Variants in RPGRIP1L observed in about 807,000 individuals in gnomAD.
The protein encoded by RPGRIP1L is RPGRIP1 like, also known as protein fantom.
A neutral mutation model predicts 160.4 loss-of-function variants in RPGRIP1L; 131 were observed. The observed-to-expected ratio is 0.82, with a 90% CI of 0.71 to 0.94. The LOEUF is 0.94. RPGRIP1L is among the 40% of genes least tolerant of loss of function. The pLI is 0.00. For missense variants in RPGRIP1L, 1,522 were observed against 1,535.8 expected, an observed-to-expected ratio of 0.99 and a Z score of 0.15; for synonymous variants, 510 against 515.8, an observed-to-expected ratio of 0.99 and a Z score of 0.15.
At chr16:53,638,964 CTTTTA>C (rs1966024490) in intron 19 of RPGRIP1L, among the ~76,000 whole-genome samples, 1 of 151,430 alleles carries the variant, frequency 6.6e-6, no homozygotes, top group Non-Finnish European at 1.5e-5. Flanking sequence ...GGAACATTAA[CTTTTA>C]TTTTCACTGT....
Position 53,661,207 on chromosome 16 carries a change from G to A in RPGRIP1L, c.1244-2329C>T, listed in dbSNP as rs986848381. Among the ~76,000 whole-genome samples the A allele has an allele frequency of 6.0e-5, 9 of 150,490 alleles. No homozygotes were observed. The South Asian group carries it at 8.4e-4, about 14-fold the overall frequency. ...TACTCAGGAGGCTGAGACAGGATAA[G>A]AATTGCTTGAACCTGGGAGGCGGAG... On this transcript the variant is annotated intron_variant, in intron 10 of 26. Transcript: ENST00000647211.
chr16:53,655,071 C>T (rs1455971594), intron 14 of RPGRIP1L, among the ~76,000 whole-genome samples: 1 of 152,180 alleles, frequency 6.6e-6, no homozygotes, highest in Non-Finnish European at 1.5e-5. Context: ...TTTTTATCCT[C>T]TCACAAGTGT....
At chr16:53,674,176 CA>C (rs1325383657) in intron 7 of RPGRIP1L, among the ~76,000 whole-genome samples, 1 of 152,098 alleles carries the variant, frequency 6.6e-6, no homozygotes, top group Non-Finnish European at 1.5e-5. Context: ...GGATGGAAAA[CA>C]AAATCCCCAG....
At chr16:53,627,462 T>A (rs1251758969) in intron 22 of RPGRIP1L, among the ~76,000 whole-genome samples, 1 of 152,216 alleles carries the variant, frequency 6.6e-6, no homozygotes. Flanking sequence ...TTACCATTTT[T>A]CTATAACCAA....
intron 10 of RPGRIP1L, among the ~76,000 whole-genome samples, chr16:53,660,099 C>CT (rs1203363091): frequency 1.3e-5 from 2 of 151,994 alleles, no homozygotes; most frequent in African/African-American, 4.8e-5. Context: ...ACATGTTTAG[C>CT]TTTTTTTAAA....
chr16:53,698,544 A>G (rs182423166), intron 2 of RPGRIP1L, among the ~76,000 whole-genome samples: 46,984 of 96,264 alleles, frequency 0.49, 9,989 homozygotes, highest in African/African-American at 0.66. Context: ...AGGGAGGTGG[A>G]GGGGTCAGCC....
In RPGRIP1L at chr16:53,611,009, A is replaced by G. The variant is rs2150938312; in HGVS notation, c.3659T>C (p.Ile1220Thr). The change falls in exon 25 of 27, where the codon ATC (isoleucine) becomes ACC (threonine). Residue 1220 changes from isoleucine (I) to threonine (T), a missense_variant. By Grantham distance (89) the Ile-to-Thr change is moderately conservative. Coordinates refer to ENST00000647211, the MANE Select transcript of RPGRIP1L (RefSeq NM_015272.5). ...TTGTTTTTGTAGTATAGCTTTTAAGATGTCTCTCTTTGCTTTGTTGTTTTC... is the reference window on the plus strand; with the variant it reads ...TTGTTTTTGTAGTATAGCTTTTAAGGTGTCTCTCTTTGCTTTGTTGTTTTC... ...DKENNKAKRD[I>T]LKAILQKQEM... The G allele has an allele frequency of 1.2e-6, 2 of 1,613,448 alleles. No homozygotes were observed. The highest frequency in any genetic ancestry group is 1.7e-4 in the Middle Eastern group (1 of 6,058).
At chr16:53,649,149 G>A in intron 15 of RPGRIP1L, 34 bp from the exon 16 acceptor site, 1 of 1,588,612 alleles carries the variant, frequency 6.3e-7, no homozygotes, top group Non-Finnish European at 8.6e-7. Flanking sequence ...GGTTAAAATA[G>A]TTTCATACAT....
chr16:53,673,157 A>G, intron 7 of RPGRIP1L, 141 bp from the exon 8 acceptor site: 1 of 809,434 alleles, frequency 1.2e-6, no homozygotes, highest in Non-Finnish European at 2.0e-6. Context: ...TTTTTACATA[A>G]CAAATGATGT....
chr16:53,687,022 G>A (rs1374525705), intron 5 of RPGRIP1L, among the ~76,000 whole-genome samples: 1 of 152,106 alleles, frequency 6.6e-6, no homozygotes, highest in Non-Finnish European at 1.5e-5. Context: ...TATCATGTCT[G>A]GCAGCATCAC....
At chr16:53,663,841 C>T (rs757995352) in intron 10 of RPGRIP1L, among the ~76,000 whole-genome samples, 2 of 152,026 alleles carry the variant, frequency 1.3e-5, no homozygotes, top group Non-Finnish European at 2.9e-5. Flanking sequence ...AAAAAAAGGT[C>T]ACACTGAAAT....
Position 53,649,015 on chromosome 16 carries a change from CT to C in RPGRIP1L, c.2252del (p.Lys751ArgfsTer6). On this transcript the variant is annotated frameshift_variant, in exon 16 of 27. Transcript: ENST00000647211. LOFTEE classifies it high-confidence loss of function. ...AATTTGATGTTATATACCCCAAAGC[CT>C]TTGCCCTTTCTCGATAAAGTCGAAT... ...QAIRLYRERAKALGYITSNFK... is the reference protein window; with the variant it reads ...QAIRLYRERAXALGYITSNFK... 3 of 1,614,048 alleles carry C rather than the reference CT, an allele frequency of 1.9e-6. No individual in the cohort carries two copies. Among genetic ancestry groups the C allele is most frequent in the Non-Finnish European group, 2.5e-6 (3 of 1,179,954 alleles).
Position 53,703,788 on chromosome 16 carries a change from C to T in RPGRIP1L, c.-8+15G>A, listed in dbSNP as rs1396132510. On this transcript the variant is annotated intron_variant, in intron 1 of 26. Coordinates refer to ENST00000647211, the MANE Select transcript of RPGRIP1L (RefSeq NM_015272.5). ...CCACCCACCCTCATCCTCCCCCATC[C>T]TCCCGGGTACTCACCGTGCCACTGG... 1 of 354,136 alleles carries T rather than the reference C, an allele frequency of 2.8e-6. No individual in the cohort carries two copies. Among genetic ancestry groups the T allele is most frequent in the Non-Finnish European group, 5.5e-6 (1 of 183,134 alleles). The allele number at this position is 354,136 out of a possible 1,614,324, so 21.9% of individuals were successfully genotyped here.
Position 53,611,058 on chromosome 16 carries a change from CA to C in RPGRIP1L, c.3617-8del. On this transcript the variant is annotated splice_polypyrimidine_tract_variant and splice_region_variant and intron_variant, in intron 24 of 26. Transcript: ENST00000647211. The stretch of plus-strand genomic sequence containing the variant: ...TCTTTATCCACGTAGATCACTATAC[CA>C]AAAGAAAAAAAAATGCCAAAAAGGA... 1 of 1,597,674 alleles carries C rather than the reference CA, an allele frequency of 6.3e-7. No individual in the cohort carries two copies. The highest frequency in any genetic ancestry group is 8.6e-7 in the Non-Finnish European group (1 of 1,167,544).
chr16:53,612,469 G>A (rs1033286728), intron 24 of RPGRIP1L, among the ~76,000 whole-genome samples: 15 of 149,774 alleles, frequency 1.0e-4, no homozygotes, highest in Non-Finnish European at 1.5e-4. Context: ...CGCTAAAGGG[G>A]AACTTTTTTT....
chr16:53,688,131 T>C (rs1970148294), intron 4 of RPGRIP1L, among the ~76,000 whole-genome samples, 166 bp from the exon 5 acceptor site: 1 of 152,056 alleles, frequency 6.6e-6, no homozygotes, highest in African/African-American at 2.4e-5. Context: ...ATATGTGATC[T>C]CAGCCACCAG....
rs561327446 is a variant in RPGRIP1L, at chr16:53,641,316, G to A, written c.2843C>T (p.Pro948Leu). 7 of 1,613,998 alleles carry A rather than the reference G, an allele frequency of 4.3e-6. No homozygotes were observed. The Middle Eastern group carries it at 6.6e-4, about 152-fold the overall frequency. ...SEEPEVVQRL[P>L]PASSVSTLVL... is the part of the protein sequence containing the mutation. ...TAGTGTGCTAACAGAGGATGCTGGA[G>A]GAAGTCTTTGAACAACTTCTGGCTC... is the stretch of plus-strand genomic sequence containing the variant. Residue 948 changes from proline (P) to leucine (L), a missense_variant, in exon 18 of 27, where the codon CCT (proline) becomes CTT (leucine). Pro to Leu is a moderately conservative substitution (Grantham distance 98). Transcript: ENST00000647211.
rs769686672 is a variant in RPGRIP1L at position 53,657,615 on chromosome 16, T to G, written c.1419A>C (p.Lys473Asn). Residue 473 changes from lysine (K) to asparagine (N), a missense_variant, in exon 13 of 27, where the codon AAA becomes AAC. By Grantham distance (94) the Lys-to-Asn change is moderately conservative. Coordinates refer to ENST00000647211, the MANE Select transcript of RPGRIP1L (RefSeq NM_015272.5). ...TCACTAAAAAGGAAAGGTCTCCATT[T>G]TTTTGTTCTTTTTGAGCCTAAAATA... ...LLLIKAQKEQKNGDLSFLVKV... is the reference protein window; with the variant it reads ...LLLIKAQKEQNNGDLSFLVKV... The G allele has an allele frequency of 2.2e-4, 348 of 1,579,312 alleles. No homozygotes were observed. The highest frequency in any genetic ancestry group is 2.8e-4 in the Non-Finnish European group (323 of 1,157,890).
intron 24 of RPGRIP1L, among the ~76,000 whole-genome samples, chr16:53,615,559 C>T (rs1182074480): frequency 4.7e-5 from 7 of 149,106 alleles, no homozygotes; most frequent in African/African-American, 1.7e-4. Flanking sequence ...CTGCAACCTC[C>T]GCCTCCTGGG....
Sources: gnomAD v4.1 joint callset for allele counts (sites outside exome capture counted in the v4.1 genomes callset) on GRCh38, gnomAD v4.1.1 for gene constraint, MANE v1.5 for transcripts, NCBI Gene and HGNC (gene_info 2026-07-23, HGNC 2026-07-21) for gene names.